TLL2: variants seen among roughly 807,000 people sequenced by gnomAD.
TLL2 encodes the protein tolloid like 2, also known as tolloid-like protein 2.
Under a neutral mutation model 123.0 loss-of-function variants are expected in TLL2, and 106 were observed. The ratio of observed to expected loss-of-function variants is 0.86; its 90% CI spans 0.74 to 1.01. The LOEUF is 1.01. Among genes scored for constraint, TLL2 ranks in the 50% least tolerant of loss-of-function variants. The probability of loss-of-function intolerance (pLI) is 0.00; values close to 1 mark genes in which losing one functional copy is unlikely to be tolerated. For missense variants in TLL2, 1,332 were observed against 1,336.7 expected (o/e 1.00, Z 0.06); for synonymous variants, 494 against 516.8 (o/e 0.96, Z 0.60).
intron 2 of TLL2, among the ~76,000 whole-genome samples, chr10:96,459,688 AAAAAAAAAAAAAAAAAAATATAT>A (rs1847055187): frequency 1.1e-4 from 7 of 62,416 alleles, no homozygotes; most frequent in African/African-American, 3.0e-4. Flanking sequence ...AAAAAAAAAA[AAAAAAAAAAAAAAAAAAATATAT>A]ATATATATAT....
chr10:96,469,237 G>A (rs117606335), intron 2 of TLL2, among the ~76,000 whole-genome samples: 305 of 152,298 alleles, frequency 2.0e-3, no homozygotes, highest in Non-Finnish European at 3.7e-3. Context: ...CCTTCCCTCC[G>A]GTCTGACTCT....
intron 13 of TLL2, among the ~76,000 whole-genome samples, chr10:96,392,412 T>G (rs954580227): frequency 2.6e-5 from 4 of 152,056 alleles, no homozygotes; most frequent in Non-Finnish European, 1.5e-5. Flanking sequence ...AAAAAATCAT[T>G]CTGTATCTAA....
chr10:96,511,839 T>C (rs1336743194), intron 1 of TLL2, among the ~76,000 whole-genome samples: 2 of 152,152 alleles, frequency 1.3e-5, no homozygotes, highest in Non-Finnish European at 2.9e-5. Flanking sequence ...GGGTCTAGGA[T>C]CTGACAAGTG....
intron 19 of TLL2, among the ~76,000 whole-genome samples, chr10:96,372,248 A>G (rs1406384977): frequency 6.6e-6 from 1 of 152,212 alleles, no homozygotes; most frequent in African/African-American, 2.4e-5. Flanking sequence ...GAACTGCCTC[A>G]GGATGCTGGT....
At chr10:96,462,184 TA>T (rs1162334446) in intron 2 of TLL2, among the ~76,000 whole-genome samples, 1 of 152,224 alleles carries the variant, frequency 6.6e-6, no homozygotes, top group Non-Finnish European at 1.5e-5. Flanking sequence ...CTCAATGAGG[TA>T]AAGTCCTTGG....
intron 11 of TLL2, 83 bp from the exon 12 acceptor site, chr10:96,396,103 A>G (rs1036704906): frequency 3.9e-6 from 6 of 1,534,516 alleles, no homozygotes; most frequent in Admixed American, 3.6e-5. Context: ...GGCGGGGGGA[A>G]CAGCGCTTGC....
intron 8 of TLL2, among the ~76,000 whole-genome samples, chr10:96,411,882 C>T (rs1486997200): frequency 1.3e-5 from 2 of 152,178 alleles, no homozygotes; most frequent in East Asian, 3.9e-4. Context: ...TATCACATTA[C>T]TGAACAACTG....
Position 96,368,006 on chromosome 10 carries a change from C to T in TLL2, c.*82G>A. On this transcript the variant is annotated 3_prime_UTR_variant, in exon 21 of 21. Transcript: ENST00000357947. ...AAAAATACTGTACACTGTTTTAGGG[C>T]AGATTTTCAAGGTGCTATTGTTGTT... The T allele has an allele frequency of 6.5e-7, 1 of 1,538,544 alleles. No homozygotes were observed. The highest frequency in any genetic ancestry group is 8.8e-7 in the Non-Finnish European group (1 of 1,130,570).
chr10:96,436,991 T>C (rs1194507234), intron 3 of TLL2, among the ~76,000 whole-genome samples: 1 of 152,194 alleles, frequency 6.6e-6, no homozygotes, highest in Non-Finnish European at 1.5e-5. Context: ...TGGCCTGCTA[T>C]ACATTTTTTA....
chr10:96,437,065 A>AT (rs1025934996), intron 3 of TLL2, among the ~76,000 whole-genome samples: 25 of 152,086 alleles, frequency 1.6e-4, no homozygotes, highest in African/African-American at 5.3e-4. Flanking sequence ...TTCTATAATT[A>AT]TTTTTGTTAA....
At chr10:96,402,829 C>T (rs1383628921) in intron 10 of TLL2, among the ~76,000 whole-genome samples, 3 of 152,182 alleles carry the variant, frequency 2.0e-5, no homozygotes, top group African/African-American at 7.2e-5. Context: ...CCTCTTCTGA[C>T]CTACCTCAGC....
At chr10:96,469,232 C>T (rs1354744158) in intron 2 of TLL2, among the ~76,000 whole-genome samples, 1 of 152,224 alleles carries the variant, frequency 6.6e-6, no homozygotes, top group East Asian at 1.9e-4. Flanking sequence ...ACTACCCTTC[C>T]CTCCGGTCTG....
chr10:96,482,293 A>G lies in TLL2; in HGVS notation c.176-1834T>C, dbSNP rs983358145. 1.4e-3 allele frequency among the ~76,000 whole-genome samples: 208 copies of G among 152,192 alleles called. 1 individual carries two copies. Among genetic ancestry groups the G allele is most frequent in the Non-Finnish European group, 2.6e-4 (18 of 68,000 alleles). ...AAAACGAAAAAACCTGAAAACTTAA[A>G]TTTATCGTGAGACCCAGCAATTCAA... On this transcript the variant is annotated intron_variant, in intron 1 of 20. Coordinates refer to ENST00000357947, the MANE Select transcript of TLL2 (RefSeq NM_012465.4).
chr10:96,424,136 A>G (rs12415101), intron 5 of TLL2, among the ~76,000 whole-genome samples: 3 of 151,838 alleles, frequency 2.0e-5, no homozygotes, highest in Non-Finnish European at 4.4e-5. Flanking sequence ...TAGAGACTAG[A>G]AGGATGGTTA....
chr10:96,374,244 C>T (rs1012211829), intron 18 of TLL2: 2 of 206,854 alleles, frequency 9.7e-6, no homozygotes, highest in Non-Finnish European at 2.0e-5. Flanking sequence ...GTTTTAAATG[C>T]TTTACAAGTA....
chr10:96,450,337 TG>T (rs1450964584), intron 2 of TLL2, among the ~76,000 whole-genome samples: 1 of 141,896 alleles, frequency 7.0e-6, no homozygotes, highest in Non-Finnish European at 1.5e-5. Context: ...CTCTCAACTT[TG>T]GCTGCGATTT....
At chr10:96,475,342 GC>G (rs1342672013) in intron 2 of TLL2, among the ~76,000 whole-genome samples, 1 of 152,174 alleles carries the variant, frequency 6.6e-6, no homozygotes, top group Non-Finnish European at 1.5e-5. Context: ...ATAAGGTCTT[GC>G]CTCACCATTG....
intron 2 of TLL2, among the ~76,000 whole-genome samples, chr10:96,468,082 T>C (rs1847146293): frequency 6.6e-6 from 1 of 152,142 alleles, no homozygotes; most frequent in Admixed American, 6.5e-5. Context: ...CGGGGGTCAG[T>C]TCACTCGCCC....
At chr10:96,382,156 C>T (rs1325148418) in intron 16 of TLL2, among the ~76,000 whole-genome samples, 5 of 152,192 alleles carry the variant, frequency 3.3e-5, no homozygotes, top group South Asian at 4.1e-4. Context: ...CTCAGCCTCC[C>T]GAGTAGCTGG....
Sources: allele counts gnomAD v4.1 joint callset (sites outside exome capture counted in the v4.1 genomes callset), GRCh38; gene constraint gnomAD v4.1.1; transcripts MANE v1.5; gene names NCBI Gene and HGNC (gene_info 2026-07-23, HGNC 2026-07-21).